Variants in APBA1 observed in about 807,000 individuals in gnomAD.
APBA1 encodes the protein amyloid-beta A4 precursor protein-binding family A member 1.
In APBA1, 55 loss-of-function variants were observed where a neutral mutation model predicts 86.6. The observed-to-expected ratio is 0.64, with a 90% CI of 0.51 to 0.80. The LOEUF (loss-of-function observed/expected upper bound fraction) is 0.80, where lower values mean the gene tolerates loss of function less well. APBA1 is among the 30% of genes least tolerant of loss of function. APBA1 has a pLI of 0.00. For missense variants in APBA1, 1,090 were observed against 1,183.0 expected (o/e 0.92, Z 1.15); for synonymous variants, 511 against 493.9 (o/e 1.03, Z -0.46).
At chr9:69,456,142 G>C (rs747881296) in intron 8 of APBA1, 105 bp downstream of exon 8, 16 of 1,251,746 alleles carry the variant, frequency 1.3e-5, no homozygotes, top group Non-Finnish European at 1.9e-5. Flanking sequence ...CACACAGTAC[G>C]TGCACAATAA....
At chr9:69,603,678 T>G (rs1822400878) in intron 1 of APBA1, among the ~76,000 whole-genome samples, 1 of 152,272 alleles carries the variant, frequency 6.6e-6, no homozygotes, top group Non-Finnish European at 1.5e-5. Flanking sequence ...ACAGCTTCTT[T>G]GTTTGGCTCT....
intron 2 of APBA1, among the ~76,000 whole-genome samples, chr9:69,501,299 A>G (rs1835876067): frequency 6.6e-6 from 1 of 152,140 alleles, no homozygotes. Flanking sequence ...TTGGACTCAG[A>G]ACATGTTGCC....
chr9:69,484,163 C>T (rs1835569950), intron 2 of APBA1, among the ~76,000 whole-genome samples: 1 of 152,100 alleles, frequency 6.6e-6, no homozygotes, highest in Admixed American at 6.5e-5. Flanking sequence ...AAAAACAATC[C>T]TCCAGAGAGT....
chr9:69,624,596 T>C (rs1013876893), intron 1 of APBA1, among the ~76,000 whole-genome samples: 1 of 152,156 alleles, frequency 6.6e-6, no homozygotes, highest in Admixed American at 6.6e-5. Context: ...CACTCTCACC[T>C]GAATTAGACC....
At chr9:69,603,246 C>T (rs1249639112) in intron 1 of APBA1, among the ~76,000 whole-genome samples, 1 of 152,220 alleles carries the variant, frequency 6.6e-6, no homozygotes, top group Non-Finnish European at 1.5e-5. Context: ...AAAGGCAAAA[C>T]CGTCATCCAA....
rs1330531892 is a variant in APBA1 at position 69,456,425 on chromosome 9, A to G, written c.1610T>C (p.Met537Thr). The G allele has an allele frequency of 6.3e-7, 1 of 1,595,864 alleles. No individual in the cohort carries two copies. The highest frequency in any genetic ancestry group is 1.1e-5 in the South Asian group (1 of 87,854). ...AATGGTCCTCAGAGGGTGGTCCATC[A>G]TTGTCTCCTGGAGGCAGGAAGAGAG... ...KVLNADTQET[M>T]MDHPLRTISY... The change falls in exon 8 of 13, where the codon ATG becomes ACG. Residue 537 changes from methionine to threonine, a missense_variant. By Grantham distance (81) the Met-to-Thr change is moderately conservative (BLOSUM62 -1). This residue lies in a region of APBA1 where 103 missense variants were observed against 91.9 expected (regional missense o/e 1.12). Transcript: ENST00000265381.
chr9:69,632,890 T>C (rs531395628), intron 1 of APBA1, among the ~76,000 whole-genome samples: 2 of 152,174 alleles, frequency 1.3e-5, no homozygotes, highest in Non-Finnish European at 2.9e-5. Flanking sequence ...TCACTTCTGG[T>C]TGGGTTAAGC....
rs772938082 is a variant in APBA1 at position 69,467,964 on chromosome 9, C to T, written c.1341G>A (p.Pro447=). Residue 447 remains proline, a synonymous_variant, in exon 5 of 13, where the codon CCG becomes CCA. Transcript: ENST00000265381. The stretch of plus-strand genomic sequence containing the variant: ...TCAAGTCTTCGGGGTCGCAGGGTCC[C>T]GGAACTGTAACACATAGAGCCACAG... ...LASFPTYVEV[P]GPCDPEDLID... is the part of the protein sequence containing the mutation. 1.2e-5 allele frequency: 19 copies of T among 1,613,842 alleles called. No individual in the cohort carries two copies. Among genetic ancestry groups the T allele is most frequent in the African/African-American group, 5.3e-5 (4 of 74,866 alleles).
intron 1 of APBA1, among the ~76,000 whole-genome samples, chr9:69,548,820 C>T (rs1324415159): frequency 6.6e-6 from 1 of 152,230 alleles, no homozygotes; most frequent in African/African-American, 2.4e-5. Context: ...CCCTCCTCCC[C>T]ACAAAGCCCC....
In APBA1 at chr9:69,514,573, G is replaced by A. The variant is rs1057440173; in HGVS notation, c.1200+1438C>T. Among the ~76,000 whole-genome samples, 7 of 148,722 alleles carry A rather than the reference G, an allele frequency of 4.7e-5. 1 individual carries two copies. In the South Asian group the frequency reaches 6.4e-4, roughly 14 times the overall value. On this transcript the variant is annotated intron_variant, in intron 2 of 12. Coordinates refer to ENST00000265381, the MANE Select transcript of APBA1 (RefSeq NM_001163.4). Reference sequence around the variant, plus strand: ...CATTGCACTCCAGCCTGGGCAAAAAGAGTGAAATTCTGTCTCAAAAAACCA... The same window carrying A: ...CATTGCACTCCAGCCTGGGCAAAAAAAGTGAAATTCTGTCTCAAAAAACCA...
intron 1 of APBA1, among the ~76,000 whole-genome samples, chr9:69,593,607 G>A (rs1380335925): frequency 1.3e-5 from 2 of 152,172 alleles, no homozygotes; most frequent in South Asian, 2.1e-4. Flanking sequence ...GCCAGCACAT[G>A]CCTGAAGCAC....
At chr9:69,499,571 C>T (rs1564056867) in intron 2 of APBA1, among the ~76,000 whole-genome samples, 1 of 151,682 alleles carries the variant, frequency 6.6e-6, no homozygotes, top group South Asian at 2.1e-4. Context: ...AGCTTGACAA[C>T]ACAACAGCAA....
At chr9:69,617,780 C>T (rs1267591919) in intron 1 of APBA1, among the ~76,000 whole-genome samples, 3 of 152,110 alleles carry the variant, frequency 2.0e-5, no homozygotes, top group Admixed American at 6.5e-5. Flanking sequence ...TGAAATTTAC[C>T]GATTTAACCA....
At chr9:69,623,358 CT>C (rs201582881) in intron 1 of APBA1, among the ~76,000 whole-genome samples, 19,509 of 147,244 alleles carry the variant, frequency 0.13, 1,626 homozygotes, top group East Asian at 0.25. Flanking sequence ...TCTTTTTTTT[CT>C]TTTTTTTTTT....
chr9:69,577,185 G>C (rs1343360317), intron 1 of APBA1, among the ~76,000 whole-genome samples: 1 of 152,076 alleles, frequency 6.6e-6, no homozygotes, highest in African/African-American at 2.4e-5. Flanking sequence ...GTTAACTATG[G>C]TCATCCTACA....
intron 1 of APBA1, among the ~76,000 whole-genome samples, chr9:69,633,677 A>G (rs1467622296): frequency 6.6e-6 from 1 of 152,200 alleles, no homozygotes; most frequent in African/African-American, 2.4e-5. Context: ...GATATTTGCT[A>G]CCATGCCCTT....
At chr9:69,434,952 C>T (rs1382070821) in intron 11 of APBA1, among the ~76,000 whole-genome samples, 3 of 115,392 alleles carry the variant, frequency 2.6e-5, no homozygotes, top group Admixed American at 9.8e-5. Flanking sequence ...CCCCTCCCCC[C>T]ACCCCACAAC....
intron 1 of APBA1, among the ~76,000 whole-genome samples, chr9:69,664,147 A>G (rs1214140470): frequency 6.6e-6 from 1 of 152,246 alleles, no homozygotes; most frequent in Non-Finnish European, 1.5e-5. Context: ...AATAAACTCA[A>G]TCAACACAAG....
intron 1 of APBA1, among the ~76,000 whole-genome samples, chr9:69,630,073 A>C (rs1168200157): frequency 6.6e-6 from 1 of 152,116 alleles, no homozygotes; most frequent in African/African-American, 2.4e-5. Context: ...TTAAAAAAAA[A>C]AAGCAGGAAA....
Sources: gnomAD v4.1 joint callset for allele counts (sites outside exome capture counted in the v4.1 genomes callset) on GRCh38, gnomAD v4.1.1 for gene constraint, gnomAD v4.1.1 regional missense constraint, MANE v1.5 for transcripts, NCBI Gene and HGNC (gene_info 2026-07-23, HGNC 2026-07-21) for gene names.